Variants in DSE observed in about 807,000 individuals in gnomAD.
DSE encodes the protein dermatan sulfate epimerase, also known as dermatan-sulfate epimerase.
DSE carries 36 observed loss-of-function variants against 84.4 expected under a neutral mutation model. That is an observed-to-expected ratio of 0.43 (90% confidence interval 0.33 to 0.56). The LOEUF (loss-of-function observed/expected upper bound fraction) is 0.56, where lower values mean the gene tolerates loss of function less well. Among genes scored for constraint, DSE ranks in the 20% least tolerant of loss-of-function variants. DSE has a pLI of 0.06. For synonymous variants in DSE, 410 were observed against 430.1 expected, an observed-to-expected ratio of 0.95 and a Z score of 0.58; for missense variants, 862 against 1,169.6, an observed-to-expected ratio of 0.74 and a Z score of 3.84.
At chr6:116,269,047 T>C (rs1487385155) in intron 2 of DSE, among the ~76,000 whole-genome samples, 3 of 151,300 alleles carry the variant, frequency 2.0e-5, no homozygotes, top group Admixed American at 6.6e-5. Flanking sequence ...AAAAACCTCA[T>C]ATGCTCCTGC....
chr6:116,434,997 T>C (rs1784060156), intron 5 of DSE, among the ~76,000 whole-genome samples: 1 of 152,234 alleles, frequency 6.6e-6, no homozygotes, highest in African/African-American at 2.4e-5. Flanking sequence ...TCCCTCAATA[T>C]AAGACAGTTT....
In DSE at chr6:116,373,295, G is replaced by T. The variant is rs181205103; in HGVS notation, c.-54+2174G>T. ...GAAGAATCTTTTGAACCCAGGAAGC[G>T]GAGGTTGCAGTGAGCCGAGATTGTG... On this transcript the variant is annotated intron_variant, in intron 1 of 5. Transcript: ENST00000644252. Among the ~76,000 whole-genome samples the T allele has an allele frequency of 9.5e-4, 144 of 152,324 alleles. 1 individual carries two copies. The highest frequency in any genetic ancestry group is 3.4e-3 in the African/African-American group (141 of 41,572).
chr6:116,323,449 G>A (rs1776444304), intron 2 of DSE, among the ~76,000 whole-genome samples: 1 of 152,152 alleles, frequency 6.6e-6, no homozygotes, highest in Admixed American at 6.5e-5. Context: ...CTTTTCAGTG[G>A]CAGCAAGGCA....
intron 2 of DSE, among the ~76,000 whole-genome samples, chr6:116,289,767 T>C (rs146956731): frequency 1.9e-3 from 283 of 152,212 alleles, no homozygotes; most frequent in African/African-American, 6.5e-3. Flanking sequence ...AGCTTAATAC[T>C]TTGGTTGTCA....
intron 2 of DSE, among the ~76,000 whole-genome samples, chr6:116,305,675 T>G (rs1775300886): frequency 6.6e-6 from 1 of 152,176 alleles, no homozygotes; most frequent in Non-Finnish European, 1.5e-5. Context: ...TTCGCTCTTG[T>G]TGCCCAGGCT....
intron 2 of DSE, among the ~76,000 whole-genome samples, chr6:116,324,942 G>GA (rs1776534789): frequency 2.0e-5 from 3 of 152,226 alleles, no homozygotes; most frequent in African/African-American, 7.2e-5. Context: ...ATGAGGCACT[G>GA]ATAAGGAGTG....
chr6:116,372,041 T>G (rs1765570168), intron 1 of DSE, among the ~76,000 whole-genome samples: 1 of 152,230 alleles, frequency 6.6e-6, no homozygotes, highest in Non-Finnish European at 1.5e-5. Flanking sequence ...TTTTAAAAAT[T>G]TTTTCGTTGG....
At chr6:116,379,287 G>A (rs967398517) in intron 1 of DSE, among the ~76,000 whole-genome samples, 28 of 152,088 alleles carry the variant, frequency 1.8e-4, no homozygotes, top group Admixed American at 6.6e-5. Context: ...TAGGCATTTC[G>A]AGTTCTGTTT....
At position 116,319,779 on chromosome 6, in the gene DSE, T is replaced by C. The variant is rs149867337; in HGVS notation, c.-54+60812T>C. ...CATCTTTTGATTCTTCCCTTTTCGCTTTCTTCACTGCAGTCATGTTGGTCA... is the reference window on the plus strand; with the variant it reads ...CATCTTTTGATTCTTCCCTTTTCGCCTTCTTCACTGCAGTCATGTTGGTCA... On this transcript the variant is annotated intron_variant, in intron 2 of 3. Coordinates refer to the DSE transcript ENST00000430252. Among the ~76,000 whole-genome samples, 1,447 of 152,326 alleles carry C rather than the reference T, an allele frequency of 9.5e-3. 64 individuals are homozygous for C. The highest frequency in any genetic ancestry group is 0.085 in the Admixed American group (1,299 of 15,300).
intron 2 of DSE, among the ~76,000 whole-genome samples, chr6:116,421,463 A>ATATTTTT (rs1357496121): frequency 1.6e-5 from 1 of 61,344 alleles, no homozygotes; most frequent in African/African-American, 9.3e-5. Flanking sequence ...ATATATATAT[A>ATATTTTT]TTTTTTTTTT....
At chr6:116,299,557 T>TGTAC (rs1774905123) in intron 2 of DSE, among the ~76,000 whole-genome samples, 2 of 69,336 alleles carry the variant, frequency 2.9e-5, no homozygotes, top group African/African-American at 1.0e-4. Flanking sequence ...TATATACACA[T>TGTAC]ACACACACAC....
At chr6:116,368,120 G>A (rs1310623718), upstream of DSE, among the ~76,000 whole-genome samples, 2 of 152,162 alleles carry the variant, frequency 1.3e-5, no homozygotes, top group African/African-American at 4.8e-5. Flanking sequence ...CTGTCTGTTT[G>A]GAGCTGCATC....
At chr6:116,397,207 C>CTTTTTTTTTTT (rs11296951) in intron 1 of DSE, among the ~76,000 whole-genome samples, 1 of 105,200 alleles carries the variant, frequency 9.5e-6, no homozygotes, top group African/African-American at 3.8e-5. Context: ...CTCTTTCTTT[C>CTTTTTTTTTTT]TTTTTTTTTT....
intron 2 of DSE, among the ~76,000 whole-genome samples, chr6:116,284,285 G>A (rs1773730932): frequency 6.6e-6 from 1 of 152,114 alleles, no homozygotes; most frequent in East Asian, 1.9e-4. Flanking sequence ...TGATGTACCA[G>A]CCACTTTTAT....
chr6:116,305,345 T>G (rs1349813467), intron 2 of DSE, among the ~76,000 whole-genome samples: 1 of 152,134 alleles, frequency 6.6e-6, no homozygotes, highest in Non-Finnish European at 1.5e-5. Context: ...GTAATAAAGA[T>G]TTTAAAACAT....
intron 2 of DSE, among the ~76,000 whole-genome samples, chr6:116,410,342 G>A (rs189290974): frequency 4.6e-5 from 7 of 152,184 alleles, no homozygotes; most frequent in Non-Finnish European, 7.4e-5. Context: ...GCCTACAGGC[G>A]TCATGTCCTT....
chr6:116,336,457 T>C (rs1777255210), intron 2 of DSE, among the ~76,000 whole-genome samples: 1 of 152,152 alleles, frequency 6.6e-6, no homozygotes, highest in Admixed American at 6.6e-5. Flanking sequence ...TGCTTGCATG[T>C]TTTAAAGAAA....
At chr6:116,307,511 G>A (rs1775426811) in intron 2 of DSE, among the ~76,000 whole-genome samples, 1 of 152,080 alleles carries the variant, frequency 6.6e-6, no homozygotes, top group South Asian at 2.1e-4. Context: ...ATATGAACTA[G>A]ACAATAATGT....
intron 2 of DSE, among the ~76,000 whole-genome samples, chr6:116,261,843 A>C (rs566565005): frequency 6.6e-6 from 1 of 152,334 alleles, no homozygotes; most frequent in African/African-American, 2.4e-5. Context: ...TTCTGCATCT[A>C]TTGATATAAT....
Sources: allele counts gnomAD v4.1 joint callset (sites outside exome capture counted in the v4.1 genomes callset), GRCh38; gene constraint gnomAD v4.1.1; transcripts MANE v1.5; gene names NCBI Gene and HGNC (gene_info 2026-07-23, HGNC 2026-07-21).